The following SCN3A variants were observed in gnomAD, a reference collection of about 807,000 sequenced individuals.
SCN3A encodes sodium voltage-gated channel alpha subunit 3.
SCN3A carries 60 observed loss-of-function variants against 187.6 expected under a neutral mutation model. The ratio of observed to expected loss-of-function variants is 0.32; its 90% CI spans 0.26 to 0.40. The LOEUF is 0.40. SCN3A is among the 10% of genes least tolerant of loss of function. The pLI, the probability that SCN3A is intolerant of heterozygous loss-of-function variation, is 1.00. For missense variants in SCN3A, 1,601 were observed against 2,428.2 expected (o/e 0.66, Z 7.16); for synonymous variants, 788 against 829.2 (o/e 0.95, Z 0.85).
chr2:165,123,263 C>T (rs1246155910), intron 18 of SCN3A, among the ~76,000 whole-genome samples: 1 of 152,020 alleles, frequency 6.6e-6, no homozygotes, highest in Non-Finnish European at 1.5e-5. Context: ...TCCATACCAG[C>T]CTATTTATGT....
chr2:165,141,034 G>A lies in SCN3A; in HGVS notation c.1672-36C>T, dbSNP rs191626311. 1,460 of 1,437,768 alleles carry A rather than the reference G, an allele frequency of 1.0e-3. 1 individual carries two copies. The highest frequency in any genetic ancestry group is 1.3e-3 in the Non-Finnish European group (1,373 of 1,028,292). The allele number at this position is 1,437,768 out of a possible 1,614,324, so 89.1% of individuals were successfully genotyped here. On this transcript the variant is annotated intron_variant, in intron 12 of 27. Transcript: ENST00000283254. ...AGCAAAAAGGAAAGGAATGGGATGGGGGTAGGGGAAGAACGCAATTATTTA... is the reference window on the plus strand; with the variant it reads ...AGCAAAAAGGAAAGGAATGGGATGGAGGTAGGGGAAGAACGCAATTATTTA...
At chr2:165,095,156 A>G (rs1685306932) in intron 25 of SCN3A, among the ~76,000 whole-genome samples, 1 of 152,214 alleles carries the variant, frequency 6.6e-6, no homozygotes, top group Non-Finnish European at 1.5e-5. Context: ...GGTGGTGACT[A>G]TGTAGTAGGG....
chr2:165,146,367 G>GTT (rs939907833), intron 12 of SCN3A, among the ~76,000 whole-genome samples: 6 of 132,904 alleles, frequency 4.5e-5, no homozygotes, highest in African/African-American at 1.2e-4. Flanking sequence ...GCTAGTGTAG[G>GTT]TTATATATAT....
Position 165,154,714 on chromosome 2 carries a change from A to G in SCN3A, c.1174-56T>C. On this transcript the variant is annotated intron_variant, in intron 10 of 27. Transcript: ENST00000283254. Reference sequence around the variant, plus strand: ...ATTTTAGTATAATGTCCCCAAATAAATATCTGATTACCACAGTTAGATAGT... The same window carrying G: ...ATTTTAGTATAATGTCCCCAAATAAGTATCTGATTACCACAGTTAGATAGT... The G allele has an allele frequency of 8.2e-6, 12 of 1,472,338 alleles. No homozygotes were observed. In the South Asian group the frequency reaches 1.2e-4, roughly 15 times the overall value. The allele number at this position is 1,472,338 out of a possible 1,614,324, so 91.2% of individuals were successfully genotyped here.
At chr2:165,137,068 A>G (rs961070492) in intron 15 of SCN3A, among the ~76,000 whole-genome samples, 7 of 152,120 alleles carry the variant, frequency 4.6e-5, no homozygotes, top group African/African-American at 1.7e-4. Context: ...AGGTTGTAGG[A>G]TGGAAAATCA....
At chr2:165,185,925 G>A (rs1366271330) in intron 2 of SCN3A, among the ~76,000 whole-genome samples, 1 of 151,956 alleles carries the variant, frequency 6.6e-6, no homozygotes, top group African/African-American at 2.4e-5. Flanking sequence ...ATACAGTCCA[G>A]GGTAATTTAC....
chr2:165,145,829 C>A (rs1688285186), intron 12 of SCN3A, among the ~76,000 whole-genome samples: 1 of 151,962 alleles, frequency 6.6e-6, no homozygotes, highest in African/African-American at 2.4e-5. Context: ...TGATTAGAAG[C>A]ATTTGCAATT....
intron 1 of SCN3A, among the ~76,000 whole-genome samples, chr2:165,202,845 A>G (rs1692404913): frequency 6.6e-6 from 1 of 151,934 alleles, no homozygotes; most frequent in Admixed American, 6.6e-5. Flanking sequence ...ACATTATACT[A>G]CCTGTTGTGT....
At chr2:165,170,017 C>T (rs1368827551) in intron 4 of SCN3A, among the ~76,000 whole-genome samples, 1 of 151,598 alleles carries the variant, frequency 6.6e-6, no homozygotes, top group African/African-American at 2.4e-5. Context: ...GAAGGAAGGA[C>T]ACAAAGAAGG....
At chr2:165,105,687 T>C (rs781348033) in intron 21 of SCN3A, among the ~76,000 whole-genome samples, 6 of 152,186 alleles carry the variant, frequency 3.9e-5, no homozygotes, top group African/African-American at 7.2e-5. Context: ...GTGCAGTCTC[T>C]ATGCAATCTC....
In SCN3A at chr2:165,130,105, A is replaced by G; in HGVS notation, c.2757T>C (p.Cys919=). The G allele has an allele frequency of 6.2e-7, 1 of 1,614,180 alleles. No homozygotes were observed. The highest frequency in any genetic ancestry group is 8.5e-7 in the Non-Finnish European group (1 of 1,180,026). ...KECVCKINDD[C]TLPRWHMNDF... The stretch of plus-strand genomic sequence containing the variant: ...CGTTCATGTGCCACCGTGGGAGCGT[A>G]CAGTCATCATTGATCTTGCAGACAC... Residue 919 remains cysteine (C), a synonymous_variant, in exon 17 of 28, where the codon TGT becomes TGC. Coordinates refer to ENST00000283254, the MANE Select transcript of SCN3A (RefSeq NM_006922.4).
intron 15 of SCN3A, among the ~76,000 whole-genome samples, chr2:165,132,411 T>TGAG (rs1282935240): frequency 6.6e-6 from 1 of 152,158 alleles, no homozygotes; most frequent in African/African-American, 2.4e-5. Context: ...CAAAACAGCA[T>TGAG]GGTACTTGTA....
intron 1 of SCN3A, among the ~76,000 whole-genome samples, chr2:165,196,319 A>G (rs1012628957): frequency 1.3e-5 from 2 of 152,012 alleles, no homozygotes; most frequent in Non-Finnish European, 2.9e-5. Context: ...TCTTCTGTTT[A>G]TTACAGAAGC....
At chr2:165,097,578 T>C (rs1239427891) in intron 22 of SCN3A, 54 bp from the exon 23 acceptor site, 5 of 1,595,928 alleles carry the variant, frequency 3.1e-6, no homozygotes, top group Non-Finnish European at 4.3e-6. Context: ...ATGGAAACCA[T>C]TCCTTCAATG....
chr2:165,133,290 C>T (rs973048617), intron 15 of SCN3A, among the ~76,000 whole-genome samples: 1 of 152,068 alleles, frequency 6.6e-6, no homozygotes, highest in African/African-American at 2.4e-5. Flanking sequence ...GGGTATATAC[C>T]CAAAGGACTA....
chr2:165,136,060 A>G (rs999243797), intron 15 of SCN3A, among the ~76,000 whole-genome samples: 7 of 152,292 alleles, frequency 4.6e-5, no homozygotes, highest in African/African-American at 1.7e-4. Flanking sequence ...CATTGTTTAT[A>G]TGTGTGTTGA....
At chr2:165,131,222 AG>A in intron 16 of SCN3A, 21 bp downstream of exon 16, 1 of 1,478,690 alleles carries the variant, frequency 6.8e-7, no homozygotes. Flanking sequence ...AATGAGCGAC[AG>A]GGATATATAT....
chr2:165,200,076 A>G (rs946608747), intron 1 of SCN3A, among the ~76,000 whole-genome samples: 1 of 152,136 alleles, frequency 6.6e-6, no homozygotes, highest in African/African-American at 2.4e-5. Flanking sequence ...CAGGTTCTAT[A>G]TGGATTTGCC....
chr2:165,112,830 T>C, intron 21 of SCN3A, 55 bp downstream of exon 21: 1 of 1,458,784 alleles, frequency 6.9e-7, no homozygotes, highest in Non-Finnish European at 9.6e-7. Flanking sequence ...ACATATGAAA[T>C]GTCAAACTTG....
Sources: gnomAD v4.1 joint callset for allele counts (sites outside exome capture counted in the v4.1 genomes callset) on GRCh38, gnomAD v4.1.1 for gene constraint, MANE v1.5 for transcripts, NCBI Gene and HGNC (gene_info 2026-07-23, HGNC 2026-07-21) for gene names.